The following ECPAS variants were observed in gnomAD, a reference collection of about 807,000 sequenced individuals.
ECPAS encodes proteasome adapter and scaffold protein ECM29.
ECPAS carries 70 observed loss-of-function variants against 255.1 expected under a neutral mutation model. The ratio of observed to expected loss-of-function variants is 0.27; its 90% CI spans 0.23 to 0.33. ECPAS has a LOEUF of 0.33. Ranked by LOEUF, ECPAS falls within the 10% of genes least tolerant of loss-of-function variation. The pLI, the probability that ECPAS is intolerant of heterozygous loss-of-function variation, is 1.00. For synonymous variants in ECPAS, 784 were observed against 775.0 expected (o/e 1.01, Z -0.19); for missense variants, 1,817 against 2,206.4 (o/e 0.82, Z 3.54).
chr9:111,467,765 ATAAG>A (rs2098281343), intron 2 of ECPAS, among the ~76,000 whole-genome samples: 1 of 152,214 alleles, frequency 6.6e-6, no homozygotes, highest in East Asian at 1.9e-4. Context: ...ATTCACAGAT[ATAAG>A]TATATAAAAT....
chr9:111,471,609 AAT>A (rs1185887826), intron 2 of ECPAS, among the ~76,000 whole-genome samples: 4 of 152,204 alleles, frequency 2.6e-5, no homozygotes, highest in African/African-American at 9.7e-5. Context: ...GATATCAGAG[AAT>A]TACAATCTGA....
intron 2 of ECPAS, among the ~76,000 whole-genome samples, chr9:111,464,672 TGCA>T (rs2098277195): frequency 1.3e-5 from 2 of 152,086 alleles, no homozygotes; most frequent in South Asian, 4.1e-4. Context: ...CAAAATAAGC[TGCA>T]GAAGGATATG....
intron 2 of ECPAS, among the ~76,000 whole-genome samples, chr9:111,469,456 C>G (rs1247090081): frequency 6.6e-6 from 1 of 151,738 alleles, no homozygotes; most frequent in African/African-American, 2.4e-5. Flanking sequence ...ATGATTTGAA[C>G]CCGGGAGGTG....
chr9:111,432,694 C>T (rs975809700), intron 8 of ECPAS, among the ~76,000 whole-genome samples: 2 of 152,086 alleles, frequency 1.3e-5, no homozygotes, highest in African/African-American at 4.8e-5. Context: ...TACTGGTATC[C>T]CATTCATTTA....
chr9:111,414,817 G>A (rs2098200650), intron 18 of ECPAS, among the ~76,000 whole-genome samples, 166 bp from the exon 19 acceptor site: 2 of 152,214 alleles, frequency 1.3e-5, no homozygotes, highest in African/African-American at 4.8e-5. Context: ...AGCAAAATTT[G>A]TATAATAAGG....
chr9:111,395,628 C>A (rs1320625052), intron 25 of ECPAS, among the ~76,000 whole-genome samples: 1 of 152,090 alleles, frequency 6.6e-6, no homozygotes, highest in Non-Finnish European at 1.5e-5. Context: ...TGAAGACTGG[C>A]ACAGATGCCT....
Position 111,367,894 on chromosome 9 carries a change from T to G in ECPAS, c.5113+1141A>C, listed in dbSNP as rs73531599. Among the ~76,000 whole-genome samples the G allele has an allele frequency of 3.0e-3, 462 of 151,554 alleles. 3 individuals carry two copies. The highest frequency in any genetic ancestry group is 0.01 in the African/African-American group (417 of 41,290). On this transcript the variant is annotated intron_variant, in intron 46 of 49. Coordinates refer to ENST00000684092, the MANE Select transcript of ECPAS (RefSeq NM_001364929.1). ...AAGACCTCACCTCTTCAAAAAAAATTTGCTGGGTGTCGTGGCATGCACTTG... is the reference window on the plus strand; with the variant it reads ...AAGACCTCACCTCTTCAAAAAAAATGTGCTGGGTGTCGTGGCATGCACTTG...
intron 12 of ECPAS, among the ~76,000 whole-genome samples, chr9:111,424,027 A>C (rs1007848572): frequency 5.3e-5 from 8 of 152,160 alleles, no homozygotes; most frequent in Middle Eastern, 3.2e-3. Context: ...TCTAACTTAC[A>C]TTTAAATATA....
chr9:111,424,215 G>A (rs2098218250), intron 12 of ECPAS, among the ~76,000 whole-genome samples: 1 of 152,192 alleles, frequency 6.6e-6, no homozygotes, highest in African/African-American at 2.4e-5. Flanking sequence ...AAGCACAGCT[G>A]CACAGTAAAT....
At chr9:111,387,316 ATCG>A (rs1436810453) in intron 31 of ECPAS, among the ~76,000 whole-genome samples, 1 of 151,282 alleles carries the variant, frequency 6.6e-6, no homozygotes. Flanking sequence ...AGTCTCACTC[ATCG>A]TCAGTGCAGT....
At chr9:111,436,906 TCAA>T in intron 7 of ECPAS, 31 bp downstream of exon 7, 1 of 1,532,592 alleles carries the variant, frequency 6.5e-7, no homozygotes, top group Non-Finnish European at 8.8e-7. Flanking sequence ...GTGTCCACAA[TCAA>T]CTACTATTAT....
chr9:111,457,428 T>G (rs1433956237), intron 2 of ECPAS, among the ~76,000 whole-genome samples: 2 of 151,906 alleles, frequency 1.3e-5, no homozygotes, highest in Non-Finnish European at 2.9e-5. Context: ...ATGGGAGAGA[T>G]TAGGATTCAG....
At chr9:111,373,069 A>G in intron 41 of ECPAS, 101 bp downstream of exon 41, 1 of 929,152 alleles carries the variant, frequency 1.1e-6, no homozygotes, top group Non-Finnish European at 1.7e-6. Flanking sequence ...TGTTTCTAGC[A>G]AATCACATAA....
Position 111,411,022 on chromosome 9 carries a change from G to A in ECPAS, c.2335C>T (p.Pro779Ser), listed in dbSNP as rs1277311352. 1 of 1,613,658 alleles carries A rather than the reference G, an allele frequency of 6.2e-7. No homozygotes were observed. The highest frequency in any genetic ancestry group is 8.5e-7 in the Non-Finnish European group (1 of 1,179,762). ...QDLERNADTL[P>S]DQEELIQSAT... ...CTCTGAATGAGTTCCTCTTGATCAG[G>A]GAGGGTGTCAGCATTTCTCTCCAGG... The change falls in exon 22 of 50, where the codon CCT (proline) becomes TCT (serine). Residue 779 changes from proline to serine, a missense_variant. This residue lies in a region of ECPAS where 194 missense variants were observed against 152.8 expected (regional missense o/e 1.27). Transcript: ENST00000684092.
intron 48 of ECPAS, among the ~76,000 whole-genome samples, chr9:111,364,371 C>A (rs1480378471): frequency 6.6e-6 from 1 of 152,148 alleles, no homozygotes; most frequent in Non-Finnish European, 1.5e-5. Context: ...CTGGCCAAAT[C>A]TGGGACAACT....
intron 2 of ECPAS, among the ~76,000 whole-genome samples, chr9:111,468,703 T>A (rs992937734): frequency 1.3e-5 from 2 of 152,094 alleles, no homozygotes; most frequent in Non-Finnish European, 2.9e-5. Flanking sequence ...TGTGTGTGTG[T>A]GTTTCACGTC....
Position 111,442,222 on chromosome 9 carries a change from G to T in ECPAS, c.389+84C>A. ...AGCTCAAGACCTCCCATTTGCTCAA[G>T]TAAAACCAAATATGTGAATTAATAT... On this transcript the variant is annotated intron_variant, in intron 5 of 49. Transcript: ENST00000684092. The T allele has an allele frequency of 4.3e-6, 4 of 924,184 alleles. No homozygotes were observed. In the South Asian group the frequency reaches 6.5e-5, roughly 15 times the overall value. 57.2% of individuals were successfully genotyped at this position (924,184 alleles called of 1,614,324 possible).
intron 2 of ECPAS, 68 bp from the exon 3 acceptor site, chr9:111,451,623 T>C (rs796313140): frequency 9.2e-6 from 13 of 1,411,748 alleles, no homozygotes; most frequent in East Asian, 5.0e-5. Context: ...ATTATTTTTA[T>C]AGCTTATTCT....
At chr9:111,483,646 T>A in intron 1 of ECPAS, 1 of 207,266 alleles carries the variant, frequency 4.8e-6, no homozygotes, top group Non-Finnish European at 8.2e-6. Flanking sequence ...CTCCGTTCAC[T>A]CGGCGCGGAC....
Sources: gnomAD v4.1 joint callset for allele counts (sites outside exome capture counted in the v4.1 genomes callset) on GRCh38, gnomAD v4.1.1 for gene constraint, gnomAD v4.1.1 regional missense constraint, MANE v1.5 for transcripts, NCBI Gene and HGNC (gene_info 2026-07-23, HGNC 2026-07-21) for gene names.